KIF6: variants seen among roughly 807,000 people sequenced by gnomAD.
The protein encoded by KIF6 is kinesin-like protein KIF6.
KIF6 carries 106 observed loss-of-function variants against 112.7 expected under a neutral mutation model. The observed-to-expected ratio is 0.94, with a 90% CI of 0.80 to 1.11. The LOEUF (loss-of-function observed/expected upper bound fraction) is 1.11, where lower values mean the gene tolerates loss of function less well. Ranked by LOEUF, KIF6 falls within the 50% of genes least tolerant of loss-of-function variation. The pLI, the probability that KIF6 is intolerant of heterozygous loss-of-function variation, is 0.00. For missense variants in KIF6, 929 were observed against 964.0 expected (o/e 0.96, Z 0.48); for synonymous variants, 339 against 339.9 (o/e 1.00, Z 0.03).
intron 4 of KIF6, among the ~76,000 whole-genome samples, chr6:39,638,756 C>G (rs1425813785): frequency 6.6e-6 from 1 of 152,064 alleles, no homozygotes; most frequent in African/African-American, 2.4e-5. Context: ...CAAGGAATTG[C>G]TGGAACTAGT....
intron 20 of KIF6, among the ~76,000 whole-genome samples, chr6:39,346,123 CT>C (rs1272240920): frequency 3.0e-5 from 2 of 67,778 alleles, no homozygotes; most frequent in Non-Finnish European, 5.0e-5. Context: ...CTCCCTCTCC[CT>C]CCCTCTCCCT....
intron 7 of KIF6, among the ~76,000 whole-genome samples, chr6:39,590,560 G>A (rs973362629): frequency 1.1e-4 from 16 of 149,758 alleles, no homozygotes; most frequent in South Asian, 4.2e-4. Flanking sequence ...CAAGCGATTC[G>A]CCAGCCTCAG....
Position 39,507,361 on chromosome 6 carries a change from TTTTC to T in KIF6, c.1645+32638_1645+32641del, listed in dbSNP as rs1776479174. Among the ~76,000 whole-genome samples the T allele has an allele frequency of 2.0e-5, 3 of 152,128 alleles. No homozygotes were observed. In the South Asian group the frequency reaches 6.2e-4, roughly 32 times the overall value. On this transcript the variant is annotated intron_variant, in intron 13 of 22. Coordinates refer to ENST00000287152, the MANE Select transcript of KIF6 (RefSeq NM_145027.6). ...TTGTATGAGTACAGAAAAACAGTTT[TTTTC>T]TTTTAGGATAGAAGGAGATGACAAA... is the stretch of plus-strand genomic sequence containing the variant.
At chr6:39,337,235 CTTTTTCTTTCTTT>C (rs1763073649) in intron 22 of KIF6, among the ~76,000 whole-genome samples, 5 of 76,348 alleles carry the variant, frequency 6.5e-5, no homozygotes, top group African/African-American at 2.9e-4. Context: ...TTCTTTCTTT[CTTTTTCTTTCTTT>C]TCTTTCCCTC....
At chr6:39,339,056 A>G (rs1482959819) in intron 22 of KIF6, among the ~76,000 whole-genome samples, 1 of 152,118 alleles carries the variant, frequency 6.6e-6, no homozygotes, top group Admixed American at 6.5e-5. Context: ...AAAAGGCACC[A>G]TTTCAAACTC....
At chr6:39,691,807 C>T (rs745821118) in intron 3 of KIF6, 2 of 152,204 alleles carry the variant, frequency 1.3e-5, no homozygotes, top group Non-Finnish European at 2.9e-5. Context: ...ACTGGTGCCT[C>T]ATCCTGAAGA....
At chr6:39,371,465 G>A (rs1765987752) in intron 16 of KIF6, among the ~76,000 whole-genome samples, 1 of 152,206 alleles carries the variant, frequency 6.6e-6, no homozygotes, top group Non-Finnish European at 1.5e-5. Context: ...AGACTTCTCT[G>A]CGGGGGTCAC....
chr6:39,635,253 A>G (rs2150759341), intron 4 of KIF6, among the ~76,000 whole-genome samples: 1 of 152,182 alleles, frequency 6.6e-6, no homozygotes, highest in Non-Finnish European at 1.5e-5. Flanking sequence ...TGGTTGCAGA[A>G]CTGTATAACA....
chr6:39,449,283 C>G (rs1316655118), intron 13 of KIF6, among the ~76,000 whole-genome samples: 1 of 152,196 alleles, frequency 6.6e-6, no homozygotes, highest in East Asian at 1.9e-4. Context: ...TGAATATACC[C>G]CAACCTCCTC....
chr6:39,387,441 T>C (rs971259767), intron 15 of KIF6, among the ~76,000 whole-genome samples: 1 of 152,210 alleles, frequency 6.6e-6, no homozygotes, highest in African/African-American at 2.4e-5. Flanking sequence ...CTGGGGCACC[T>C]GCATGTCTGT....
chr6:39,364,334 T>C (rs1252738246), intron 16 of KIF6, among the ~76,000 whole-genome samples: 7 of 152,190 alleles, frequency 4.6e-5, no homozygotes, highest in South Asian at 2.1e-4. Flanking sequence ...TTGGCCAGGA[T>C]GGTCTCGATC....
At chr6:39,619,282 C>A (rs1783690047) in intron 5 of KIF6, among the ~76,000 whole-genome samples, 1 of 152,088 alleles carries the variant, frequency 6.6e-6, no homozygotes, top group African/African-American at 2.4e-5. Flanking sequence ...TAAATATTAT[C>A]ATTTTTATTT....
intron 15 of KIF6, among the ~76,000 whole-genome samples, chr6:39,392,952 A>G (rs945619291): frequency 2.0e-5 from 3 of 152,200 alleles, no homozygotes; most frequent in Admixed American, 1.3e-4. Context: ...ATTGAGCAGG[A>G]TAAATAAAAA....
intron 19 of KIF6, among the ~76,000 whole-genome samples, chr6:39,352,922 T>C (rs9471081): frequency 0.17 from 26,322 of 152,150 alleles, 2,677 homozygotes; most frequent in African/African-American, 0.28. Flanking sequence ...TGAATAATAT[T>C]CCACGGTTTG....
At chr6:39,538,508 C>T (rs1778581733) in intron 13 of KIF6, among the ~76,000 whole-genome samples, 2 of 152,066 alleles carry the variant, frequency 1.3e-5, no homozygotes, top group South Asian at 2.1e-4. Context: ...AAATCAAAAC[C>T]ACAATGAGAT....
At chr6:39,505,489 A>C (rs1427722191) in intron 13 of KIF6, among the ~76,000 whole-genome samples, 3 of 152,262 alleles carry the variant, frequency 2.0e-5, no homozygotes, top group African/African-American at 7.2e-5. Flanking sequence ...ACAAAAGCAA[A>C]AATTGACAAA....
intron 4 of KIF6, among the ~76,000 whole-genome samples, chr6:39,638,119 T>C (rs1784722038): frequency 6.6e-6 from 1 of 152,072 alleles, no homozygotes; most frequent in Non-Finnish European, 1.5e-5. Context: ...TCTCTGAAAT[T>C]GGTCAGGGAT....
rs1780304620 is a variant in KIF6 at position 39,566,796 on chromosome 6, T to C, written c.1181+11260A>G. 3.9e-5 allele frequency among the ~76,000 whole-genome samples: 6 copies of C among 152,334 alleles called. 1 individual carries two copies. The Middle Eastern group carries it at 0.02, about 518-fold the overall frequency. The stretch of plus-strand genomic sequence containing the variant: ...TTTTAATTAGCTGTGAAATTTAGTA[T>C]AAAAGTAGAGTAAGAAAAGCATTTT... On this transcript the variant is annotated intron_variant, in intron 10 of 22. Transcript: ENST00000287152.
chr6:39,470,517 TAAG>T (rs1774058053), intron 13 of KIF6, among the ~76,000 whole-genome samples: 1 of 152,156 alleles, frequency 6.6e-6, no homozygotes, highest in South Asian at 2.1e-4. Context: ...CAAGATTATC[TAAG>T]AAGGATGCCT....
Sources: gnomAD v4.1 joint callset for allele counts (sites outside exome capture counted in the v4.1 genomes callset) on GRCh38, gnomAD v4.1.1 for gene constraint, MANE v1.5 for transcripts, NCBI Gene and HGNC (gene_info 2026-07-23, HGNC 2026-07-21) for gene names.